The following CHI3L2 variants were observed in gnomAD, a reference collection of about 807,000 sequenced individuals.
The protein encoded by CHI3L2 is chitinase 3 like 2.
CHI3L2 carries 47 observed loss-of-function variants against 47.3 expected under a neutral mutation model. That is an observed-to-expected ratio of 0.99 (90% CI 0.79 to 1.27). The LOEUF is 1.27. Ranked by LOEUF, CHI3L2 falls within the 50% of genes most tolerant of loss-of-function variation. CHI3L2 has a pLI of 0.00. For missense variants in CHI3L2, 497 were observed against 462.1 expected, an observed-to-expected ratio of 1.08 and a Z score of -0.69; for synonymous variants, 198 against 169.9, an observed-to-expected ratio of 1.17 and a Z score of -1.28.
In CHI3L2 at chr1:111,235,696, T is replaced by C. The variant is rs755509648; in HGVS notation, c.538T>C (p.Leu180=). The C allele has an allele frequency of 6.2e-7, 1 of 1,614,252 alleles. No individual in the cohort carries two copies. The highest frequency in any genetic ancestry group is 8.5e-7 in the Non-Finnish European group (1 of 1,180,036). Residue 180 remains leucine (L), a synonymous_variant, in exon 6 of 11, where the codon TTG becomes CTG. Coordinates refer to ENST00000369748, the MANE Select transcript of CHI3L2 (RefSeq NM_004000.3). ...AAAATCCACCAAGGAAAGGCTTCTC[T>C]TGACTGCGGGCGTATCTGCAGGGAG... The part of the protein sequence containing the change: ...FTKSTKERLL[L]TAGVSAGRQM...
At chr1:111,236,784 C>A (rs1213566214) in intron 7 of CHI3L2, among the ~76,000 whole-genome samples, 1 of 152,136 alleles carries the variant, frequency 6.6e-6, no homozygotes, top group Non-Finnish European at 1.5e-5. Flanking sequence ...CATGCAGAAT[C>A]AGCTGTATGG....
Position 111,231,376 on chromosome 1 carries a change from A to T in CHI3L2, c.329+82A>T. On this transcript the variant is annotated intron_variant, in intron 4 of 10. Coordinates refer to ENST00000369748, the MANE Select transcript of CHI3L2 (RefSeq NM_004000.3). The stretch of plus-strand genomic sequence containing the variant: ...ATTTTTCCTCCTTCTAAGAAGAGAT[A>T]TTAAACTAGGCTTTAAGAGGTTTTC... 5.5e-6 allele frequency: 6 copies of T among 1,088,230 alleles called. No homozygotes were observed. The Admixed American group carries it at 1.2e-4, about 21-fold the overall frequency. 67.4% of individuals were successfully genotyped at this position (1,088,230 alleles called of 1,614,324 possible).
At chr1:111,233,021 G>T (rs1312302860) in intron 4 of CHI3L2, among the ~76,000 whole-genome samples, 1 of 152,226 alleles carries the variant, frequency 6.6e-6, no homozygotes, top group Non-Finnish European at 1.5e-5. Flanking sequence ...GAAAGCCTGG[G>T]TGTGGGAGGT....
At chr1:111,230,687 T>C in intron 2 of CHI3L2, 55 bp from the exon 3 acceptor site, 1 of 1,449,936 alleles carries the variant, frequency 6.9e-7, no homozygotes, top group Non-Finnish European at 9.7e-7. Context: ...TGTGACTTTC[T>C]GGACTCTAAG....
At chr1:111,236,573 T>C (rs1166289997) in intron 7 of CHI3L2, among the ~76,000 whole-genome samples, 1 of 152,036 alleles carries the variant, frequency 6.6e-6, no homozygotes, top group Non-Finnish European at 1.5e-5. Context: ...ACTTCACAGA[T>C]GATGAAACAG....
At chr1:111,242,140 C>T in intron 9 of CHI3L2, 87 bp from the exon 10 acceptor site, 2 of 1,551,420 alleles carry the variant, frequency 1.3e-6, no homozygotes, top group Non-Finnish European at 8.9e-7. Flanking sequence ...GTATTTTAAG[C>T]TTAGTCCCTC....
chr1:111,238,982 T>C lies in CHI3L2; in HGVS notation c.918+50T>C, dbSNP rs373481051. On this transcript the variant is annotated intron_variant, in intron 8 of 10. Transcript: ENST00000369748. Reference sequence around the variant, plus strand: ...CAGCTCCCTGCCATGTCTGGGTAGATGTTCCATCTTCAATTTGACAGCAGA... The same window carrying C: ...CAGCTCCCTGCCATGTCTGGGTAGACGTTCCATCTTCAATTTGACAGCAGA... The C allele has an allele frequency of 2.3e-5, 35 of 1,497,272 alleles. No individual in the cohort carries two copies. In the Admixed American group the frequency reaches 3.9e-4, roughly 17 times the overall value. The allele number at this position is 1,497,272 out of a possible 1,614,324, so 92.7% of individuals were successfully genotyped here.
chr1:111,234,924 A>T lies in CHI3L2; in HGVS notation c.347A>T (p.Asp116Val). ...FGSKGFHPMV[D>V]SSTSRLEFIN... ...CTTTCCAGGTTCCACCCTATGGTGG[A>T]TTCTTCTACATCACGCTTGGAATTC... Residue 116 changes from aspartate to valine, a missense_variant, in exon 5 of 11, where the codon GAT (aspartate) becomes GTT (valine). By Grantham distance (152) the Asp-to-Val change is radical. Coordinates refer to ENST00000369748, the MANE Select transcript of CHI3L2 (RefSeq NM_004000.3). 6.2e-7 allele frequency: 1 copy of T among 1,614,178 alleles called. No individual in the cohort carries two copies. The highest frequency in any genetic ancestry group is 1.1e-5 in the South Asian group (1 of 91,076).
chr1:111,230,989 G>C (rs374890849), intron 3 of CHI3L2, 46 bp downstream of exon 3: 3 of 1,501,512 alleles, frequency 2.0e-6, no homozygotes, highest in Non-Finnish European at 2.8e-6. Flanking sequence ...TTTTAGAGGA[G>C]GGAAGCTGGT....
At chr1:111,241,206 C>A in intron 8 of CHI3L2, 121 bp from the exon 9 acceptor site, 1 of 750,416 alleles carries the variant, frequency 1.3e-6, no homozygotes, top group South Asian at 1.4e-5. Flanking sequence ...ATTGTCTGAT[C>A]CTTGGGATAA....
intron 3 of CHI3L2, 87 bp downstream of exon 3, chr1:111,231,030 T>G: frequency 9.6e-7 from 1 of 1,044,802 alleles, no homozygotes; most frequent in Non-Finnish European, 1.5e-6. Flanking sequence ...TACTATCTCA[T>G]TCATTCATTC....
intron 4 of CHI3L2, among the ~76,000 whole-genome samples, chr1:111,231,978 T>C (rs1281995929): frequency 6.6e-6 from 1 of 152,276 alleles, no homozygotes; most frequent in African/African-American, 2.4e-5. Flanking sequence ...GAATTTCTTC[T>C]GCTTTATTAT....
intron 8 of CHI3L2, among the ~76,000 whole-genome samples, chr1:111,239,763 G>A (rs1031662914): frequency 2.0e-5 from 3 of 152,148 alleles, no homozygotes; most frequent in African/African-American, 4.8e-5. Flanking sequence ...TATTTAAAAA[G>A]CATAGGGGAA....
chr1:111,242,119 A>T (rs561217989), intron 9 of CHI3L2, 108 bp from the exon 10 acceptor site: 2 of 1,384,404 alleles, frequency 1.4e-6, no homozygotes, highest in Non-Finnish European at 1.0e-6. Flanking sequence ...AAAACCAGTT[A>T]GTCTACTGCT....
At position 111,234,976 on chromosome 1, in the gene CHI3L2, G is replaced by A; in HGVS notation, c.399G>A (p.Arg133=). ...EFINSIILFL[R]NHNFDGLDVS... ...TTAACTCCATAATCCTGTTTCTGAG[G>A]AACCATAACTTTGATGGACTGGATG... is the stretch of plus-strand genomic sequence containing the variant. The change falls in exon 5 of 11, where the codon AGG becomes AGA. Residue 133 remains arginine (R), a synonymous_variant. Transcript: ENST00000369748. The A allele has an allele frequency of 6.2e-7, 1 of 1,614,062 alleles. No individual in the cohort carries two copies. Among genetic ancestry groups the A allele is most frequent in the Non-Finnish European group, 8.5e-7 (1 of 1,179,986 alleles).
At position 111,234,985 on chromosome 1, in the gene CHI3L2, C is replaced by G. The variant is rs754581807; in HGVS notation, c.408C>G (p.Asn136Lys). The G allele has an allele frequency of 4.3e-6, 7 of 1,614,000 alleles. No individual in the cohort carries two copies. The Admixed American group carries it at 5.0e-5, about 12-fold the overall frequency. ...NSIILFLRNH[N>K]FDGLDVSWIY... is the part of the protein sequence containing the mutation. ...TAATCCTGTTTCTGAGGAACCATAA[C>G]TTTGATGGACTGGATGTAAGCTGGA... The change falls in exon 5 of 11, where the codon AAC (asparagine) becomes AAG (lysine). Residue 136 changes from asparagine (N) to lysine (K), a missense_variant. Asn to Lys is a moderately conservative substitution (Grantham distance 94, BLOSUM62 0). Coordinates refer to ENST00000369748, the MANE Select transcript of CHI3L2 (RefSeq NM_004000.3).
intron 9 of CHI3L2, 21 bp from the exon 10 acceptor site, chr1:111,242,206 A>G (rs1660079188): frequency 1.2e-6 from 2 of 1,614,034 alleles, no homozygotes; most frequent in South Asian, 1.1e-5. Context: ...ATCTCTGTGT[A>G]TCCTTCTGTG....
intron 4 of CHI3L2, among the ~76,000 whole-genome samples, chr1:111,232,616 C>T (rs533434994): frequency 6.6e-6 from 1 of 152,264 alleles, no homozygotes; most frequent in African/African-American, 2.4e-5. Context: ...CATAGTGCCC[C>T]TGTGCAATAA....
At chr1:111,236,607 C>T (rs1020973123) in intron 7 of CHI3L2, among the ~76,000 whole-genome samples, 1 of 151,902 alleles carries the variant, frequency 6.6e-6, no homozygotes, top group African/African-American at 2.4e-5. Flanking sequence ...TCCATTGACT[C>T]TTCAAGGTCG....
Sources: allele counts gnomAD v4.1 joint callset (sites outside exome capture counted in the v4.1 genomes callset), GRCh38; gene constraint gnomAD v4.1.1; transcripts MANE v1.5; gene names NCBI Gene and HGNC (gene_info 2026-07-23, HGNC 2026-07-21).